Variants in MTAP observed in about 807,000 individuals in gnomAD.
MTAP encodes the protein S-methyl-5'-thioadenosine phosphorylase.
In MTAP, 33 loss-of-function variants were observed where a neutral mutation model predicts 33.6. The observed-to-expected ratio is 0.98, with a 90% CI of 0.74 to 1.31. The LOEUF (loss-of-function observed/expected upper bound fraction) is 1.31. Among genes scored for constraint, MTAP ranks in the 40% most tolerant of loss-of-function variants. The pLI, the probability that MTAP is intolerant of heterozygous loss-of-function variation, is 0.00. For missense variants in MTAP, 367 were observed against 360.0 expected (o/e 1.02, Z -0.16); for synonymous variants, 148 against 125.7 (o/e 1.18, Z -1.19).
downstream of MTAP, chr9:21,932,064 A>T (rs1330229251): frequency 6.6e-6 from 1 of 152,188 alleles, no homozygotes; most frequent in East Asian, 1.9e-4. Context: ...CAAAAGGCAA[A>T]ATGATAATGG....
intron 1 of MTAP, among the ~76,000 whole-genome samples, chr9:21,809,768 G>C (rs1217858921): frequency 6.6e-6 from 1 of 152,214 alleles, no homozygotes; most frequent in Non-Finnish European, 1.5e-5. Context: ...CAGAATCCCT[G>C]AGGCCTGGGC....
intron 1 of MTAP, among the ~76,000 whole-genome samples, chr9:21,889,734 G>C (rs966719582): frequency 7.9e-5 from 12 of 152,168 alleles, no homozygotes; most frequent in Non-Finnish European, 4.4e-5. Context: ...AAAGAGTCCT[G>C]TGATGTGATC....
At chr9:21,939,937 A>G (rs1254198987), downstream of MTAP, among the ~76,000 whole-genome samples, 1 of 152,128 alleles carries the variant, frequency 6.6e-6, no homozygotes, top group Non-Finnish European at 1.5e-5. Context: ...AACACTGGTT[A>G]TATTACCAAG....
downstream of MTAP, among the ~76,000 whole-genome samples, chr9:21,869,811 T>C (rs967399949): frequency 2.4e-4 from 37 of 152,190 alleles, no homozygotes; most frequent in African/African-American, 8.0e-4. Flanking sequence ...CCCTAACAGG[T>C]CCTGTGTCTA....
chr9:21,911,441 A>G (rs1033522116), intron 1 of MTAP, among the ~76,000 whole-genome samples: 1 of 152,364 alleles, frequency 6.6e-6, no homozygotes, highest in Middle Eastern at 3.4e-3. Flanking sequence ...CTCAGACCAC[A>G]GTGCAATCAA....
In MTAP at chr9:21,873,862, G is replaced by T. The variant is rs73440422; in HGVS notation, c.147+18992G>T. On this transcript the variant is annotated intron_variant, in intron 1 of 1. Transcript: ENST00000577563. ...AGGTTTCAGAATTCAGTGTATAAGT[G>T]AAAAAAGGACATGTTCTTGGTTTAA... Among the ~76,000 whole-genome samples, 1,208 of 152,056 alleles carry T rather than the reference G, an allele frequency of 7.9e-3. 21 individuals carry two copies. The highest frequency in any genetic ancestry group is 0.027 in the African/African-American group (1,110 of 41,486).
intron 1 of MTAP, chr9:21,808,777 C>T (rs576979535): frequency 6.6e-6 from 1 of 152,256 alleles, no homozygotes; most frequent in South Asian, 2.1e-4. Flanking sequence ...CTAAATAAGC[C>T]TCTTTTCTTT....
At chr9:21,899,358 T>G (rs765696024) in intron 1 of MTAP, among the ~76,000 whole-genome samples, 1 of 146,934 alleles carries the variant, frequency 6.8e-6, no homozygotes, top group African/African-American at 2.5e-5. Context: ...GTTGTGCATA[T>G]GTACCGCATA....
rs548757880 is a variant in MTAP, at chr9:21,897,908, G to C, written c.148-33100G>C. Among the ~76,000 whole-genome samples the C allele has an allele frequency of 6.6e-5, 10 of 152,242 alleles. No individual in the cohort carries two copies. In the East Asian group the frequency reaches 1.9e-3, roughly 29 times the overall value. ...TTAAAGGTCATATGGAACCAAAAAA[G>C]AGCCCGCATTGCCAAGTCAATCCTA... is the stretch of plus-strand genomic sequence containing the variant. On this transcript the variant is annotated intron_variant, in intron 1 of 1. Transcript: ENST00000577563.
chr9:21,856,388 C>G (rs1330050620), intron 6 of MTAP, among the ~76,000 whole-genome samples: 1 of 152,136 alleles, frequency 6.6e-6, no homozygotes, highest in Non-Finnish European at 1.5e-5. Flanking sequence ...TTGCTTAGTA[C>G]TAGGATGCCT....
chr9:21,865,792 T>G lies in MTAP; in HGVS notation c.*3778T>G, dbSNP rs1395971711. ...AGAAAGACAATCTCGGCATGCATTA[T>G]TTCTTTGTTTTGAAGATTCACTCAT... On this transcript the variant is annotated 3_prime_UTR_variant, in exon 8 of 8. Transcript: ENST00000644715. 3.9e-6 allele frequency: 4 copies of G among 1,022,146 alleles called. No individual in the cohort carries two copies. The highest frequency in any genetic ancestry group is 1.7e-5 in the African/African-American group (1 of 58,500). 63.3% of individuals were successfully genotyped at this position (1,022,146 alleles called of 1,614,324 possible). A position where few individuals can be genotyped will look rare whatever the true frequency, so the allele number is the denominator to read the frequency against.
intron 1 of MTAP, among the ~76,000 whole-genome samples, chr9:21,928,655 G>A (rs2518712): frequency 0.81 from 123,330 of 152,010 alleles, 50,921 homozygotes; most frequent in African/African-American, 0.95. Flanking sequence ...CCCTAGGCAT[G>A]AAGTGGTACC....
intron 1 of MTAP, among the ~76,000 whole-genome samples, chr9:21,876,894 G>A (rs539116217): frequency 6.6e-6 from 1 of 151,936 alleles, no homozygotes; most frequent in East Asian, 1.9e-4. Context: ...TTTCTGTGAA[G>A]AATTGTCATT....
Position 21,922,766 on chromosome 9 carries a change from C to T in MTAP, c.148-8242C>T, listed in dbSNP as rs1422463331. Among the ~76,000 whole-genome samples, 3 of 152,136 alleles carry T rather than the reference C, an allele frequency of 2.0e-5. No individual in the cohort carries two copies. The highest frequency in any genetic ancestry group is 2.1e-4 in the South Asian group (1 of 4,820). ...CTCTCAGCCACAGTGGCTCTGCACC[C>T]GCTGGCTGATCTCTCAGCTTACCCT... On this transcript the variant is annotated intron_variant, in intron 1 of 1. Coordinates refer to the MTAP transcript ENST00000577563. This position sits in a 1 kb window ranked among gnomAD's most constrained non-coding sequence, Gnocchi z 4.8.
At chr9:21,822,584 T>A (rs1189734976) in intron 4 of MTAP, among the ~76,000 whole-genome samples, 1 of 152,170 alleles carries the variant, frequency 6.6e-6, no homozygotes, top group Non-Finnish European at 1.5e-5. Flanking sequence ...TGTGATGTGG[T>A]GCCGAGAAGA....
intron 1 of MTAP, among the ~76,000 whole-genome samples, chr9:21,901,956 A>G (rs761779677): frequency 1.4e-4 from 21 of 152,362 alleles, no homozygotes; most frequent in Middle Eastern, 6.8e-3. Flanking sequence ...CAAATGTTAC[A>G]GTGTTCAAAA....
chr9:21,819,968 G>A (rs549337892), intron 4 of MTAP, among the ~76,000 whole-genome samples: 83 of 152,272 alleles, frequency 5.5e-4, no homozygotes, highest in African/African-American at 2.0e-3. Context: ...CATATCTTTT[G>A]CCCACATTTT....
At chr9:21,844,760 C>T (rs1269863568) in intron 5 of MTAP, among the ~76,000 whole-genome samples, 1 of 152,174 alleles carries the variant, frequency 6.6e-6, no homozygotes, top group African/African-American at 2.4e-5. Flanking sequence ...ATGGGCTGGG[C>T]ACGGTGGCTC....
chr9:21,825,402 T>G (rs1431966662), intron 4 of MTAP, among the ~76,000 whole-genome samples: 1 of 152,232 alleles, frequency 6.6e-6, no homozygotes, highest in Non-Finnish European at 1.5e-5. Flanking sequence ...ATGGGATTCT[T>G]GGATCATGTG....
Sources: gnomAD v4.1 joint callset for allele counts (sites outside exome capture counted in the v4.1 genomes callset) on GRCh38, gnomAD v4.1.1 for gene constraint, Gnocchi (gnomAD v3.1) non-coding constraint, MANE v1.5 for transcripts, NCBI Gene and HGNC (gene_info 2026-07-23, HGNC 2026-07-21) for gene names.